Variants in FBXO34 observed in about 807,000 individuals in gnomAD.
The protein encoded by FBXO34 is F-box only protein 34.
FBXO34 carries 12 observed loss-of-function variants against 24.5 expected under a neutral mutation model. That is an observed-to-expected ratio of 0.49 (90% CI 0.31 to 0.79). The LOEUF is 0.79. Among genes scored for constraint, FBXO34 ranks in the 30% least tolerant of loss-of-function variants. The pLI is 0.04. For synonymous variants in FBXO34, 320 were observed against 311.9 expected, an observed-to-expected ratio of 1.03 and a Z score of -0.27; for missense variants, 823 against 857.7, an observed-to-expected ratio of 0.96 and a Z score of 0.51.
chr14:55,391,734 C>A, the FBXO34 span, among the ~76,000 whole-genome samples: 1 of 152,130 alleles, frequency 6.6e-6, no homozygotes, highest in African/African-American at 2.4e-5. Flanking sequence ...AGCGCAGATA[C>A]AGAACTCAAG....
the FBXO34 span, chr14:55,390,967 A>G: frequency 6.2e-7 from 1 of 1,607,168 alleles, no homozygotes; most frequent in Non-Finnish European, 8.5e-7. Flanking sequence ...TTCAATCCTC[A>G]TCTTGCAGGA....
At chr14:55,275,428 G>A (rs1328385104) in intron 1 of FBXO34, among the ~76,000 whole-genome samples, 1 of 152,168 alleles carries the variant, frequency 6.6e-6, no homozygotes, top group Non-Finnish European at 1.5e-5. Flanking sequence ...ACACAGAGAT[G>A]ATATATCCTT....
the FBXO34 span, among the ~76,000 whole-genome samples, chr14:55,396,575 G>C: frequency 6.6e-6 from 1 of 152,100 alleles, no homozygotes; most frequent in African/African-American, 2.4e-5. Context: ...TGTTTTCATC[G>C]GGGGTGTGAG....
At chr14:55,441,865 C>A in the FBXO34 span, among the ~76,000 whole-genome samples, 1 of 151,908 alleles carries the variant, frequency 6.6e-6, no homozygotes, top group African/African-American at 2.4e-5. Context: ...CAGGTTCCAG[C>A]AATTCTTGTG....
At chr14:55,410,905 A>C in the FBXO34 span, among the ~76,000 whole-genome samples, 1 of 143,456 alleles carries the variant, frequency 7.0e-6, no homozygotes, top group Non-Finnish European at 1.5e-5. Flanking sequence ...CAATTTTCTT[A>C]ACCAAGAACT....
the FBXO34 span, chr14:55,395,263 G>A: frequency 5.9e-6 from 2 of 337,568 alleles, no homozygotes; most frequent in South Asian, 2.7e-5. Flanking sequence ...TGTGCCAAGC[G>A]CCTGCGAGGC....
At chr14:55,343,823 C>T (rs1055790641) in intron 1 of FBXO34, among the ~76,000 whole-genome samples, 1 of 152,202 alleles carries the variant, frequency 6.6e-6, no homozygotes, top group Non-Finnish European at 1.5e-5. Context: ...GTTTACCCCT[C>T]TGTGGACAAG....
At chr14:55,425,051 A>C in the FBXO34 span, among the ~76,000 whole-genome samples, 1 of 152,274 alleles carries the variant, frequency 6.6e-6, no homozygotes, top group East Asian at 1.9e-4. Flanking sequence ...TTTGCACTTA[A>C]AGGGTGAATC....
chr14:55,438,264 A>G, the FBXO34 span, among the ~76,000 whole-genome samples: 1 of 152,184 alleles, frequency 6.6e-6, no homozygotes, highest in African/African-American at 2.4e-5. Flanking sequence ...TTCTGTTACT[A>G]CAAGTCCAGC....
intron 1 of FBXO34, among the ~76,000 whole-genome samples, chr14:55,286,489 A>G (rs1282621820): frequency 6.6e-6 from 1 of 152,162 alleles, no homozygotes; most frequent in Non-Finnish European, 1.5e-5. Context: ...TTTACTTACC[A>G]AATATTAATA....
Position 55,352,004 on chromosome 14 carries a change from G to C in FBXO34, c.1614G>C (p.Val538=). ...CATTTGTACTGCCAGCCTCTTCTGT[G>C]GAAAGTACATTACCAGTGCTTGAGG... ...AEPFVLPASS[V]ESTLPVLEAS... is the part of the protein sequence containing the mutation. Residue 538 remains valine, a synonymous_variant, in exon 2 of 2, where the codon GTG becomes GTC. Coordinates refer to ENST00000313833, the MANE Select transcript of FBXO34 (RefSeq NM_017943.4). 6.2e-7 allele frequency: 1 copy of C among 1,614,146 alleles called. No individual in the cohort carries two copies. Among genetic ancestry groups the C allele is most frequent in the Non-Finnish European group, 8.5e-7 (1 of 1,180,024 alleles).
the FBXO34 span, among the ~76,000 whole-genome samples, chr14:55,432,158 A>G: frequency 6.6e-6 from 1 of 152,106 alleles, no homozygotes; most frequent in South Asian, 2.1e-4. Context: ...CTGTAATCCC[A>G]GCACTTTGGG....
intron 1 of FBXO34, chr14:55,285,493 A>C (rs1175502675): frequency 1.3e-5 from 2 of 152,132 alleles, no homozygotes; most frequent in Non-Finnish European, 2.9e-5. Context: ...GCTGATCAGT[A>C]GTGGGATCGT....
chr14:55,297,618 G>GA (rs1882185749), intron 1 of FBXO34, among the ~76,000 whole-genome samples: 1 of 152,090 alleles, frequency 6.6e-6, no homozygotes, highest in East Asian at 1.9e-4. Flanking sequence ...GATAGGATTA[G>GA]GTAATTTTAG....
At chr14:55,428,965 C>T in the FBXO34 span, 1 of 1,614,064 alleles carries the variant, frequency 6.2e-7, no homozygotes, top group Non-Finnish European at 8.5e-7. Flanking sequence ...CAAGTCGAGA[C>T]TGCTCTTCAC....
chr14:55,390,788 A>C, the FBXO34 span: 1 of 677,358 alleles, frequency 1.5e-6, no homozygotes, highest in Non-Finnish European at 2.5e-6. Context: ...GCGAGTAGTA[A>C]AATTCTCCAA....
At chr14:55,321,508 C>G (rs1380573076) in intron 1 of FBXO34, among the ~76,000 whole-genome samples, 1 of 152,086 alleles carries the variant, frequency 6.6e-6, no homozygotes, top group African/African-American at 2.4e-5. Context: ...GTGATCCTCC[C>G]ACCTCAGCCT....
chr14:55,273,289 C>G (rs1881221297), intron 1 of FBXO34, among the ~76,000 whole-genome samples: 1 of 152,100 alleles, frequency 6.6e-6, no homozygotes, highest in Non-Finnish European at 1.5e-5. Context: ...AAGTTATGCC[C>G]ATTTTCAGGC....
chr14:55,415,400 G>A, the FBXO34 span, among the ~76,000 whole-genome samples: 2 of 152,138 alleles, frequency 1.3e-5, no homozygotes, highest in African/African-American at 2.4e-5. Context: ...AAACTAGTTC[G>A]GTGGTTAAGT....
Sources: gnomAD v4.1 joint callset for allele counts (sites outside exome capture counted in the v4.1 genomes callset) on GRCh38, gnomAD v4.1.1 for gene constraint, MANE v1.5 for transcripts, NCBI Gene and HGNC (gene_info 2026-07-23, HGNC 2026-07-21) for gene names.